The following CDK13 variants were observed in gnomAD, a reference collection of about 807,000 sequenced individuals.
CDK13 encodes cyclin dependent kinase 13, also known as cyclin-dependent kinase 13.
In CDK13, 40 loss-of-function variants were observed where a neutral mutation model predicts 137.6. That is an observed-to-expected ratio of 0.29 (90% CI 0.23 to 0.38). The LOEUF (loss-of-function observed/expected upper bound fraction) is 0.38. Among genes scored for constraint, CDK13 ranks in the 10% least tolerant of loss-of-function variants. The pLI, the probability that CDK13 is intolerant of heterozygous loss-of-function variation, is 1.00. For missense variants in CDK13, 1,704 were observed against 1,951.8 expected, an observed-to-expected ratio of 0.87 and a Z score of 2.39; for synonymous variants, 869 against 760.1, an observed-to-expected ratio of 1.14 and a Z score of -2.36.
chr7:39,956,400 C>T lies in CDK13; in HGVS notation c.1211+4548C>T, dbSNP rs543959394. On this transcript the variant is annotated intron_variant, in intron 1 of 13. Transcript: ENST00000181839. ...CCTTATCACATTTCTTTTCCGCTAA[C>T]GCTAATATTTATTTCTTTCCATTTC... 1.2e-3 allele frequency among the ~76,000 whole-genome samples: 176 copies of T among 152,292 alleles called. 1 individual carries two copies. The highest frequency in any genetic ancestry group is 3.4e-3 in the Middle Eastern group (1 of 294).
chr7:39,980,873 C>G (rs945291694), intron 1 of CDK13, among the ~76,000 whole-genome samples: 1 of 152,142 alleles, frequency 6.6e-6, no homozygotes. Context: ...AGTCTAACAA[C>G]GAGCACTAAC....
chr7:39,983,941 A>G (rs1246553055), intron 1 of CDK13, among the ~76,000 whole-genome samples: 1 of 152,160 alleles, frequency 6.6e-6, no homozygotes, highest in Non-Finnish European at 1.5e-5. Context: ...GTGGGTTTTT[A>G]TGAAATGCTT....
intron 1 of CDK13, among the ~76,000 whole-genome samples, chr7:39,955,136 G>GCTGA (rs1167493182): frequency 6.6e-6 from 1 of 152,046 alleles, no homozygotes. Context: ...ACGTAATCTT[G>GCTGA]CTGACTGGCC....
chr7:39,981,665 G>A (rs1389268881), intron 1 of CDK13, among the ~76,000 whole-genome samples: 1 of 152,038 alleles, frequency 6.6e-6, no homozygotes, highest in Non-Finnish European at 1.5e-5. Context: ...TTACTAAGAC[G>A]AAATAAATAG....
chr7:39,967,859 T>TTCA (rs1783906433), intron 1 of CDK13, among the ~76,000 whole-genome samples: 1 of 152,110 alleles, frequency 6.6e-6, no homozygotes. Flanking sequence ...TGAGCATTTT[T>TTCA]TCATGTATCT....
chr7:40,029,807 C>T (rs572389025), intron 5 of CDK13, among the ~76,000 whole-genome samples: 7 of 152,190 alleles, frequency 4.6e-5, no homozygotes, highest in African/African-American at 1.2e-4. Flanking sequence ...CTTGCACCAC[C>T]GTGCCCTGCT....
chr7:40,087,564 T>TTTA (rs1373221886), intron 11 of CDK13, among the ~76,000 whole-genome samples: 2 of 150,308 alleles, frequency 1.3e-5, no homozygotes, highest in African/African-American at 4.9e-5. Flanking sequence ...TTTTTTTTTT[T>TTTA]TTGAGACGGA....
At chr7:39,954,610 ACTT>A (rs1337621280) in intron 1 of CDK13, among the ~76,000 whole-genome samples, 1 of 152,210 alleles carries the variant, frequency 6.6e-6, no homozygotes, top group Non-Finnish European at 1.5e-5. Context: ...TGTATTACAA[ACTT>A]CATTCAAAAT....
intron 5 of CDK13, among the ~76,000 whole-genome samples, chr7:40,043,082 T>C (rs529729388): frequency 6.6e-6 from 1 of 152,334 alleles, no homozygotes; most frequent in East Asian, 1.9e-4. Context: ...GCAGCCATCA[T>C]TTGCCTTTTA....
rs1786958141 is a variant in CDK13 at position 40,092,900 on chromosome 7, G to A, written c.3351G>A (p.Lys1117=). Residue 1117 remains lysine (K), a synonymous_variant, in exon 13 of 14, where the codon AAG becomes AAA. Coordinates refer to ENST00000181839, the MANE Select transcript of CDK13 (RefSeq NM_003718.5). ...MADFVQVLNI[K]VNSETQQQLN... ...ATTTTGTCCAAGTGTTGAACATTAA[G>A]GTAAACTCTGAGACTCAACAGCAGC... is the stretch of plus-strand genomic sequence containing the variant. The A allele has an allele frequency of 5.6e-6, 9 of 1,614,132 alleles. No homozygotes were observed. The highest frequency in any genetic ancestry group is 7.6e-6 in the Non-Finnish European group (9 of 1,180,012).
intron 5 of CDK13, among the ~76,000 whole-genome samples, chr7:40,010,232 T>C (rs1784867876): frequency 6.6e-6 from 1 of 151,902 alleles, no homozygotes; most frequent in Non-Finnish European, 1.5e-5. Context: ...CAGTGACAGA[T>C]CATCAGGCAT....
chr7:40,076,195 T>G (rs1234830047), intron 9 of CDK13, among the ~76,000 whole-genome samples: 2 of 152,220 alleles, frequency 1.3e-5, no homozygotes, highest in Admixed American at 1.3e-4. Context: ...GGTTGATTAA[T>G]TGTGTTTACA....
intron 7 of CDK13, among the ~76,000 whole-genome samples, chr7:40,058,442 G>A (rs958977390): frequency 6.6e-6 from 1 of 151,986 alleles, no homozygotes; most frequent in Admixed American, 6.6e-5. Context: ...CCAGAGGCAG[G>A]AGAATTGCTT....
intron 5 of CDK13, 114 bp from the exon 6 acceptor site, chr7:40,045,722 A>C: frequency 1.5e-6 from 1 of 653,104 alleles, no homozygotes; most frequent in Admixed American, 3.0e-5. Flanking sequence ...ACAAAGTAAC[A>C]CTTCTTTTCA....
intron 1 of CDK13, among the ~76,000 whole-genome samples, chr7:39,970,042 C>A (rs1388480713): frequency 6.9e-6 from 1 of 145,128 alleles, no homozygotes; most frequent in Non-Finnish European, 1.5e-5. Flanking sequence ...TTTGAGACAG[C>A]GTGTCTCACT....
chr7:40,015,135 G>T (rs1219608915), intron 5 of CDK13, among the ~76,000 whole-genome samples: 3 of 152,188 alleles, frequency 2.0e-5, no homozygotes, highest in Non-Finnish European at 2.9e-5. Context: ...TTTCTTCTCT[G>T]GGTTTCAAGG....
At position 40,097,500 on chromosome 7, in the gene CDK13, G is replaced by A. The variant is rs1482970830; in HGVS notation, c.*2520G>A. On this transcript the variant is annotated 3_prime_UTR_variant, in exon 14 of 14. Coordinates refer to ENST00000181839, the MANE Select transcript of CDK13 (RefSeq NM_003718.5). ...AGTGAATTTGGATTAATAGAACAAA[G>A]TTGGGAAATCACTAGTTCTGTAGGT... The A allele has an allele frequency of 6.6e-6, 1 of 152,060 alleles. No individual in the cohort carries two copies. The highest frequency in any genetic ancestry group is 2.4e-5 in the African/African-American group (1 of 41,442). 9.4% of individuals were successfully genotyped at this position (152,060 alleles called of 1,614,324 possible).
At chr7:40,042,739 G>A (rs186392818) in intron 5 of CDK13, among the ~76,000 whole-genome samples, 7,601 of 150,166 alleles carry the variant, frequency 0.051, 285 homozygotes, top group Non-Finnish European at 0.075. Flanking sequence ...CTCGGCCTCC[G>A]AAAGTGTTGG....
At chr7:40,064,352 T>C (rs993130988) in intron 9 of CDK13, among the ~76,000 whole-genome samples, 4 of 151,592 alleles carry the variant, frequency 2.6e-5, no homozygotes, top group Admixed American at 6.6e-5. Context: ...GTGCAACTTA[T>C]AAAATTTCCA....
Sources: allele counts gnomAD v4.1 joint callset (sites outside exome capture counted in the v4.1 genomes callset), GRCh38; gene constraint gnomAD v4.1.1; transcripts MANE v1.5; gene names NCBI Gene and HGNC (gene_info 2026-07-23, HGNC 2026-07-21).